VPS50: variants seen among roughly 807,000 people sequenced by gnomAD.
VPS50 encodes VPS50 subunit of EARP/GARPII complex.
A neutral mutation model predicts 139.7 loss-of-function variants in VPS50; 70 were observed. The ratio of observed to expected loss-of-function variants is 0.50; its 90% CI spans 0.41 to 0.61. The LOEUF (loss-of-function observed/expected upper bound fraction) is 0.61. Among genes scored for constraint, VPS50 ranks in the 20% least tolerant of loss-of-function variants. The pLI is 0.00. For synonymous variants in VPS50, 365 were observed against 376.7 expected (o/e 0.97, Z 0.36); for missense variants, 921 against 1,133.7 (o/e 0.81, Z 2.69).
intron 21 of VPS50, 46 bp from the exon 22 acceptor site, chr7:93,334,071 G>A: frequency 9.7e-7 from 1 of 1,027,094 alleles, no homozygotes. Flanking sequence ...TGTAACATTT[G>A]CAAGATGATC....
rs545338244 is a variant in VPS50, at chr7:93,335,586, T to G, written c.2058+1389T>G. ...CCACCCTTTTTGTTTCTCTTTTTTC[T>G]TTTCTTTTTTGTTTTTAGTCTTTGT... is the stretch of plus-strand genomic sequence containing the variant. On this transcript the variant is annotated intron_variant, in intron 22 of 27. Transcript: ENST00000305866. Among the ~76,000 whole-genome samples the G allele has an allele frequency of 6.2e-4, 94 of 152,282 alleles. 1 individual carries two copies. Among genetic ancestry groups the G allele is most frequent in the African/African-American group, 2.2e-3 (90 of 41,572 alleles).
Position 93,331,147 on chromosome 7 carries a change from T to C in VPS50, c.1978-2970T>C, listed in dbSNP as rs556660366. ...TAAATAATGAGATACACCATGTGCA[T>C]ATATTAGAAAACTCAATATTGTAAA... On this transcript the variant is annotated intron_variant, in intron 21 of 27. Transcript: ENST00000305866. Among the ~76,000 whole-genome samples, 8 of 151,368 alleles carry C rather than the reference T, an allele frequency of 5.3e-5. No individual in the cohort carries two copies. The South Asian group carries it at 1.7e-3, about 32-fold the overall frequency.
intron 20 of VPS50, chr7:93,323,358 T>C (rs1181142105): frequency 2.4e-4 from 38 of 159,420 alleles, no homozygotes; most frequent in Admixed American, 2.3e-3. Flanking sequence ...AAAATATCAT[T>C]GTATTATTTA....
chr7:93,316,296 C>G (rs1182587133), intron 20 of VPS50, among the ~76,000 whole-genome samples: 3 of 152,188 alleles, frequency 2.0e-5, no homozygotes, highest in Non-Finnish European at 4.4e-5. Context: ...GCCTCAAAGA[C>G]TGTCCTATGC....
rs191083561 is a variant in VPS50, at chr7:93,261,144, A to G, written c.659+1512A>G. The stretch of plus-strand genomic sequence containing the variant: ...AACAAGCCATTCTGGGTCCTGAAAA[A>G]GCAAATCCATTTGAACCAAAGCATC... On this transcript the variant is annotated intron_variant, in intron 9 of 27. Transcript: ENST00000305866. Among the ~76,000 whole-genome samples the G allele has an allele frequency of 1.3e-4, 20 of 152,326 alleles. No individual in the cohort carries two copies. The East Asian group carries it at 3.3e-3, about 25-fold the overall frequency.
intron 20 of VPS50, among the ~76,000 whole-genome samples, chr7:93,312,045 T>C (rs1797284474): frequency 6.6e-6 from 1 of 152,186 alleles, no homozygotes; most frequent in Non-Finnish European, 1.5e-5. Flanking sequence ...ACCTTAGCTC[T>C]GTTGAAATAG....
chr7:93,339,887 C>CTAT (rs1396723349), intron 22 of VPS50, among the ~76,000 whole-genome samples: 1 of 151,924 alleles, frequency 6.6e-6, no homozygotes, highest in African/African-American at 2.4e-5. Context: ...AGCTTTTATT[C>CTAT]TATTTTTTTT....
rs189126510 is a variant in VPS50, at chr7:93,312,880, C to T, written c.1855+1608C>T. On this transcript the variant is annotated intron_variant, in intron 20 of 27. Transcript: ENST00000305866. ...ACCTTTCAGAATCATTGTCATCCTCCTTAGCCTTCTAGACTCAGCAGTTTT... is the reference window on the plus strand; with the variant it reads ...ACCTTTCAGAATCATTGTCATCCTCTTTAGCCTTCTAGACTCAGCAGTTTT... Among the ~76,000 whole-genome samples the T allele has an allele frequency of 4.6e-5, 7 of 152,254 alleles. No homozygotes were observed. In the East Asian group the frequency reaches 1.4e-3, roughly 29 times the overall value.
intron 20 of VPS50, chr7:93,320,981 A>G (rs1221489005): frequency 1.3e-5 from 2 of 152,192 alleles, no homozygotes; most frequent in East Asian, 1.9e-4. Flanking sequence ...GTCATCTACA[A>G]CAGACGTTTT....
intron 16 of VPS50, among the ~76,000 whole-genome samples, chr7:93,299,825 T>G (rs940516553): frequency 6.6e-6 from 1 of 152,142 alleles, no homozygotes; most frequent in Non-Finnish European, 1.5e-5. Flanking sequence ...GTACTAAGTT[T>G]ATATACACCC....
At chr7:93,307,779 GT>G (rs1264475678) in intron 18 of VPS50, among the ~76,000 whole-genome samples, 1 of 151,900 alleles carries the variant, frequency 6.6e-6, no homozygotes, top group Non-Finnish European at 1.5e-5. Context: ...TGTAAGGCTT[GT>G]TTGCAGTTAT....
chr7:93,337,181 A>G (rs1364341154), intron 22 of VPS50, among the ~76,000 whole-genome samples: 1 of 152,202 alleles, frequency 6.6e-6, no homozygotes, highest in African/African-American at 2.4e-5. Flanking sequence ...CATAAATTTT[A>G]TGCCTCAAAT....
intron 2 of VPS50, 104 bp from the exon 3 acceptor site, chr7:93,252,549 C>A: frequency 1.3e-6 from 1 of 758,950 alleles, no homozygotes; most frequent in Non-Finnish European, 2.2e-6. Flanking sequence ...TGGTCAGAAT[C>A]GTTCCAGGTA....
intron 15 of VPS50, 153 bp downstream of exon 15, chr7:93,296,989 G>A (rs1019202282): frequency 2.2e-5 from 31 of 1,436,334 alleles, no homozygotes; most frequent in Non-Finnish European, 2.7e-5. Flanking sequence ...TCTGCCCTTT[G>A]GGTGTTTGTA....
Position 93,285,473 on chromosome 7 carries a change from C to G in VPS50, c.943-6230C>G, listed in dbSNP as rs575484743. On this transcript the variant is annotated intron_variant, in intron 12 of 27. Transcript: ENST00000305866. ...AGCAAAAGACTAGCAGCTTTTCCTC[C>G]CGTATTTACTACTTTACTTTGCATT... 1.2e-4 allele frequency among the ~76,000 whole-genome samples: 19 copies of G among 152,242 alleles called. No homozygotes were observed. The South Asian group carries it at 3.9e-3, about 32-fold the overall frequency.
intron 2 of VPS50, among the ~76,000 whole-genome samples, chr7:93,240,477 T>C (rs1794956238): frequency 6.6e-6 from 1 of 152,168 alleles, no homozygotes; most frequent in African/African-American, 2.4e-5. Context: ...AATCCTCTGA[T>C]ATTCACGTGA....
chr7:93,287,834 G>T (rs1231646737), intron 12 of VPS50, among the ~76,000 whole-genome samples: 1 of 152,046 alleles, frequency 6.6e-6, no homozygotes, highest in African/African-American at 2.4e-5. Flanking sequence ...TTGACCCTGT[G>T]CATTAGTATT....
chr7:93,311,381 T>C, intron 20 of VPS50, 109 bp downstream of exon 20: 1 of 647,400 alleles, frequency 1.5e-6, no homozygotes. Flanking sequence ...CTCTATGCAA[T>C]GAGGGATTTA....
Position 93,335,083 on chromosome 7 carries a change from A to G in VPS50, c.2058+886A>G, listed in dbSNP as rs1189947464. Among the ~76,000 whole-genome samples, 5 of 152,214 alleles carry G rather than the reference A, an allele frequency of 3.3e-5. No homozygotes were observed. The South Asian group carries it at 8.3e-4, about 25-fold the overall frequency. On this transcript the variant is annotated intron_variant, in intron 22 of 27. Transcript: ENST00000305866. ...GAAATACTGTTGCAACAATTGTTAT[A>G]TGCCAGGCATTGTTAAAGAGCTGGG...
Sources: gnomAD v4.1 joint callset for allele counts (sites outside exome capture counted in the v4.1 genomes callset) on GRCh38, gnomAD v4.1.1 for gene constraint, MANE v1.5 for transcripts, NCBI Gene and HGNC (gene_info 2026-07-23, HGNC 2026-07-21) for gene names.